ACVR2B: variants seen among roughly 807,000 people sequenced by gnomAD.
The protein encoded by ACVR2B is activin receptor type-2B.
A neutral mutation model predicts 65.1 loss-of-function variants in ACVR2B; 18 were observed. The ratio of observed to expected loss-of-function variants is 0.28; its 90% CI spans 0.19 to 0.41. The LOEUF (loss-of-function observed/expected upper bound fraction) is 0.41. Ranked by LOEUF, ACVR2B falls within the 10% of genes least tolerant of loss-of-function variation. The pLI is 1.00. For synonymous variants in ACVR2B, 298 were observed against 277.7 expected (o/e 1.07, Z -0.73); for missense variants, 482 against 682.7 (o/e 0.71, Z 3.28).
rs999144243 is a variant in ACVR2B, at chr3:38,482,534, A to G, written c.1318A>G (p.Ile440Val). 2.5e-6 allele frequency: 4 copies of G among 1,611,408 alleles called. No individual in the cohort carries two copies. Among genetic ancestry groups the G allele is most frequent in the African/African-American group, 1.3e-5 (1 of 74,756 alleles). ...GGTGCACAAGAAGATGAGGCCCACC[A>G]TTAAAGATCACTGGTTGAAACACCC... ...VVVHKKMRPT[I>V]KDHWLKHPGL... Residue 440 changes from isoleucine (I) to valine (V), a missense_variant, in exon 10 of 11, where the codon ATT becomes GTT. By Grantham distance (29) the Ile-to-Val change is conservative. Transcript: ENST00000352511.
rs1575593735 is a variant in ACVR2B, at chr3:38,489,756, A to G, written c.*6424A>G. On this transcript the variant is annotated 3_prime_UTR_variant, in exon 11 of 11. Coordinates refer to ENST00000352511, the MANE Select transcript of ACVR2B (RefSeq NM_001106.4). ...GATGGGACTCGAATAAGATTCAGGT[A>G]CAAAAACTTTGAAATGAGAATCTGG... The G allele has an allele frequency of 1.3e-5, 2 of 152,622 alleles. No individual in the cohort carries two copies. Among genetic ancestry groups the G allele is most frequent in the East Asian group, 3.9e-4 (2 of 5,194 alleles). 9.5% of individuals were successfully genotyped at this position (152,622 alleles called of 1,614,324 possible).
intron 6 of ACVR2B, 39 bp from the exon 7 acceptor site, chr3:38,479,639 C>A (rs745692476): frequency 6.2e-6 from 10 of 1,612,792 alleles, no homozygotes; most frequent in South Asian, 3.3e-5. Context: ...TGTCCTGTAC[C>A]CAGAATCTGT....
Position 38,479,255 on chromosome 3 carries a change from C to T in ACVR2B, c.794C>T (p.Thr265Met), listed in dbSNP as rs1471845000. 4 of 1,614,152 alleles carry T rather than the reference C, an allele frequency of 2.5e-6. No homozygotes were observed. Among genetic ancestry groups the T allele is most frequent in the Admixed American group, 1.7e-5 (1 of 60,022 alleles). Residue 265 changes from threonine to methionine, a missense_variant, in exon 6 of 11, where the codon ACG becomes ATG. Coordinates refer to ENST00000352511, the MANE Select transcript of ACVR2B (RefSeq NM_001106.4). ...SNLEVELWLI[T>M]AFHDKGSLTD... ...CTCGAAGTAGAGCTGTGGCTCATCA[C>T]GGCCTTCCATGACAAGGTGAGCCAC...
At chr3:38,455,876 T>C (rs564854568) in intron 1 of ACVR2B, among the ~76,000 whole-genome samples, 30 of 152,198 alleles carry the variant, frequency 2.0e-4, no homozygotes, top group African/African-American at 7.0e-4. Flanking sequence ...GCTGACTTGA[T>C]AGGCAGACCG....
intron 7 of ACVR2B, among the ~76,000 whole-genome samples, chr3:38,480,934 G>A (rs896613024): frequency 6.6e-6 from 1 of 152,152 alleles, no homozygotes; most frequent in African/African-American, 2.4e-5. Context: ...AGGGGTCTCT[G>A]CAGGATCCTA....
chr3:38,478,087 T>C, intron 3 of ACVR2B, 54 bp from the exon 4 acceptor site: 4 of 1,607,372 alleles, frequency 2.5e-6, no homozygotes, highest in East Asian at 2.2e-5. Flanking sequence ...AGTCTGGCTC[T>C]GGAAGTGTGA....
rs1252735793 is a variant in ACVR2B at position 38,454,288 on chromosome 3, G to C, written c.-35G>C. ...GGGAGCGCCGTGCGGCCCTGCCCGC[G>C]GGCTCCGGGTGTGCGCGGGGCGGCG... On this transcript the variant is annotated 5_prime_UTR_variant, in exon 1 of 11. Coordinates refer to ENST00000352511, the MANE Select transcript of ACVR2B (RefSeq NM_001106.4). The C allele has an allele frequency of 2.1e-5, 26 of 1,243,220 alleles. No homozygotes were observed. The highest frequency in any genetic ancestry group is 2.6e-5 in the Non-Finnish European group (26 of 995,750). 77.0% of individuals were successfully genotyped at this position (1,243,220 alleles called of 1,614,324 possible). A position where few individuals can be genotyped will look rare whatever the true frequency, so the allele number is the denominator to read the frequency against.
chr3:38,474,639 A>T (rs1179541391), intron 1 of ACVR2B: 1 of 152,240 alleles, frequency 6.6e-6, no homozygotes, highest in Non-Finnish European at 1.5e-5. Flanking sequence ...TATTTCTCAT[A>T]CAAGTGTTCA....
At chr3:38,463,412 T>A (rs1021932262) in intron 1 of ACVR2B, among the ~76,000 whole-genome samples, 19 of 152,316 alleles carry the variant, frequency 1.2e-4, no homozygotes, top group Admixed American at 5.2e-4. Context: ...AAAAACTATT[T>A]TAGAGTCTGG....
intron 1 of ACVR2B, chr3:38,454,611 T>A: frequency 2.9e-6 from 1 of 344,820 alleles, no homozygotes; most frequent in Non-Finnish European, 5.1e-6. Flanking sequence ...GAGGCGCCCC[T>A]GCGATGGGGG....
At chr3:38,454,411 C>T (rs1709505432) in intron 1 of ACVR2B, 37 bp downstream of exon 1, 1 of 1,242,490 alleles carries the variant, frequency 8.0e-7, no homozygotes, top group Non-Finnish European at 1.0e-6. Context: ...GCCGAGAGGG[C>T]GCGCGGGGCT....
rs1005138183 is a variant in ACVR2B, at chr3:38,484,939, G to C, written c.*1607G>C. Reference sequence around the variant, plus strand: ...GAAAAAAGTTTGCATCTTCTAGGGAGTGCTACCATTTTTGTTTGATAACGC... The same window carrying C: ...GAAAAAAGTTTGCATCTTCTAGGGACTGCTACCATTTTTGTTTGATAACGC... On this transcript the variant is annotated 3_prime_UTR_variant, in exon 11 of 11. Transcript: ENST00000352511. The C allele has an allele frequency of 6.6e-6, 1 of 152,652 alleles. No individual in the cohort carries two copies. The highest frequency in any genetic ancestry group is 1.5e-5 in the Non-Finnish European group (1 of 68,048). The allele number at this position is 152,652 out of a possible 1,614,324, so 9.5% of individuals were successfully genotyped here. A position where few individuals can be genotyped will look rare whatever the true frequency, so the allele number is the denominator to read the frequency against.
chr3:38,482,502 A>T lies in ACVR2B; in HGVS notation c.1286A>T (p.Glu429Val), dbSNP rs1188005490. The change falls in exon 10 of 11, where the codon GAG (glutamate) becomes GTG (valine). Residue 429 changes from glutamate to valine, a missense_variant. By Grantham distance (121) the Glu-to-Val change is moderately radical. Coordinates refer to ENST00000352511, the MANE Select transcript of ACVR2B (RefSeq NM_001106.4). Reference protein sequence around the residue: ...GQHPSLEELQEVVVHKKMRPT... With the variant: ...GQHPSLEELQVVVVHKKMRPT... ...CACCCTTCGTTGGAGGAGCTGCAGG[A>T]GGTGGTGGTGCACAAGAAGATGAGG... 6.2e-7 allele frequency: 1 copy of T among 1,612,362 alleles called. No homozygotes were observed. The highest frequency in any genetic ancestry group is 8.5e-7 in the Non-Finnish European group (1 of 1,179,866).
chr3:38,480,318 G>GA (rs1709996244), intron 7 of ACVR2B, among the ~76,000 whole-genome samples: 1 of 152,126 alleles, frequency 6.6e-6, no homozygotes, highest in African/African-American at 2.4e-5. Flanking sequence ...GATTCCCTTG[G>GA]AACAGTCTTA....
rs535952876 is a variant in ACVR2B at position 38,485,035 on chromosome 3, T to C, written c.*1703T>C. On this transcript the variant is annotated 3_prime_UTR_variant, in exon 11 of 11. Coordinates refer to ENST00000352511, the MANE Select transcript of ACVR2B (RefSeq NM_001106.4). ...CAAGTCTGGGCATTTATCAGTCTTG[T>C]TTGTGAAGGCTTTTCCTTCTGGTTT... 6.6e-6 allele frequency: 1 copy of C among 152,500 alleles called. No individual in the cohort carries two copies. The highest frequency in any genetic ancestry group is 2.1e-4 in the South Asian group (1 of 4,824). 9.4% of individuals were successfully genotyped at this position (152,500 alleles called of 1,614,324 possible). A position where few individuals can be genotyped will look rare whatever the true frequency, so the allele number is the denominator to read the frequency against.
At chr3:38,479,933 C>T (rs1709988383) in intron 7 of ACVR2B, 107 bp downstream of exon 7, 1 of 1,435,048 alleles carries the variant, frequency 7.0e-7, no homozygotes, top group Non-Finnish European at 9.5e-7. Context: ...AACATACTTA[C>T]CCTGCTTGCT....
intron 1 of ACVR2B, among the ~76,000 whole-genome samples, chr3:38,469,973 G>C (rs1159864590): frequency 6.6e-6 from 1 of 152,040 alleles, no homozygotes; most frequent in African/African-American, 2.4e-5. Flanking sequence ...TATAAATTGA[G>C]TAGAAGAACT....
At chr3:38,471,138 G>A (rs1477615033) in intron 1 of ACVR2B, among the ~76,000 whole-genome samples, 2 of 152,020 alleles carry the variant, frequency 1.3e-5, no homozygotes, top group Non-Finnish European at 2.9e-5. Flanking sequence ...TTGGCAAAGA[G>A]CATTCATTAC....
rs1391706357 is a variant in ACVR2B at position 38,454,199 on chromosome 3, G to T, written c.-124G>T. ...GGGACGAAGGCGCAGGAAGCGCGCA[G>T]GGAACGAGACCGAAGGAAGGAGCGG... is the stretch of plus-strand genomic sequence containing the variant. On this transcript the variant is annotated 5_prime_UTR_variant, in exon 1 of 11. It adds an upstream start codon to the 5' untranslated region. Transcript: ENST00000352511. 1.4e-6 allele frequency: 1 copy of T among 700,828 alleles called. No individual in the cohort carries two copies. Among genetic ancestry groups the T allele is most frequent in the Non-Finnish European group, 1.9e-6 (1 of 536,854 alleles). 43.4% of individuals were successfully genotyped at this position (700,828 alleles called of 1,614,324 possible). A position where few individuals can be genotyped will look rare whatever the true frequency, so the allele number is the denominator to read the frequency against.
Sources: allele counts gnomAD v4.1 joint callset (sites outside exome capture counted in the v4.1 genomes callset), GRCh38; gene constraint gnomAD v4.1.1; transcripts MANE v1.5; gene names NCBI Gene and HGNC (gene_info 2026-07-23, HGNC 2026-07-21).